WDR41: variants seen among roughly 807,000 people sequenced by gnomAD.
WDR41 encodes WD repeat domain 41.
WDR41 carries 63 observed loss-of-function variants against 69.3 expected under a neutral mutation model. That is an observed-to-expected ratio of 0.91 (90% CI 0.74 to 1.12). WDR41 has a LOEUF of 1.12. Ranked by LOEUF, WDR41 falls within the 50% of genes most tolerant of loss-of-function variation. The pLI is 0.00. For missense variants in WDR41, 543 were observed against 534.5 expected (o/e 1.02, Z -0.16); for synonymous variants, 185 against 192.1 (o/e 0.96, Z 0.31).
rs145962113 is a variant in WDR41 at position 77,461,189 on chromosome 5, A to G, written c.348+1906T>C. ...ATACTGAAAAAGAGAGCTTTATCCC[A>G]TATTTGCCTCTACAGAGTAGTAATA... is the stretch of plus-strand genomic sequence containing the variant. On this transcript the variant is annotated intron_variant, in intron 4 of 12. Coordinates refer to ENST00000296679, the MANE Select transcript of WDR41 (RefSeq NM_018268.4). Among the ~76,000 whole-genome samples, 500 of 152,314 alleles carry G rather than the reference A, an allele frequency of 3.3e-3. 3 individuals carry two copies. The highest frequency in any genetic ancestry group is 0.011 in the African/African-American group (463 of 41,570).
chr5:77,600,506 T>C (rs1289447133), intron 1 of WDR41, among the ~76,000 whole-genome samples: 1 of 152,136 alleles, frequency 6.6e-6, no homozygotes. Context: ...TATATATTGA[T>C]TGTGGTGGTA....
chr5:77,568,541 TA>T (rs137860999), intron 1 of WDR41, among the ~76,000 whole-genome samples: 5,269 of 152,208 alleles, frequency 0.035, 130 homozygotes, highest in Middle Eastern at 0.099. Context: ...GCAGTAACTG[TA>T]AGTTATCTAA....
intron 2 of WDR41, among the ~76,000 whole-genome samples, chr5:77,467,965 A>G (rs1257868105): frequency 6.6e-6 from 1 of 151,946 alleles, no homozygotes; most frequent in Non-Finnish European, 1.5e-5. Flanking sequence ...CAAGTCCAAG[A>G]TCACACCACT....
intron 1 of WDR41, among the ~76,000 whole-genome samples, chr5:77,551,220 A>G (rs185904899): frequency 2.0e-4 from 31 of 152,244 alleles, no homozygotes; most frequent in African/African-American, 7.0e-4. Flanking sequence ...ATCTGAAATT[A>G]TAAAATAAAA....
chr5:77,514,287 G>A (rs1802259592), intron 1 of WDR41, among the ~76,000 whole-genome samples: 1 of 151,962 alleles, frequency 6.6e-6, no homozygotes, highest in Non-Finnish European at 1.5e-5. Flanking sequence ...CAATAGCCTA[G>A]ACATTTTCCA....
intron 1 of WDR41, among the ~76,000 whole-genome samples, chr5:77,617,183 G>C (rs977999535): frequency 1.3e-5 from 2 of 152,202 alleles, no homozygotes; most frequent in Admixed American, 6.5e-5. Context: ...TGTGGGTTTT[G>C]AGCACTGAAA....
chr5:77,568,988 ATCAGAC>A (rs1471452662), intron 1 of WDR41, among the ~76,000 whole-genome samples: 1 of 152,180 alleles, frequency 6.6e-6, no homozygotes, highest in Non-Finnish European at 1.5e-5. Flanking sequence ...GGGACATCTC[ATCAGAC>A]GTCACCCCAT....
chr5:77,471,934 T>A (rs1446044587), intron 2 of WDR41, among the ~76,000 whole-genome samples: 3 of 152,158 alleles, frequency 2.0e-5, no homozygotes, highest in Admixed American at 2.0e-4. Flanking sequence ...GAGGCCAGCA[T>A]CATCCTGATA....
intron 1 of WDR41, among the ~76,000 whole-genome samples, chr5:77,517,762 A>T (rs1802312014): frequency 6.6e-6 from 1 of 152,062 alleles, no homozygotes; most frequent in South Asian, 2.1e-4. Flanking sequence ...TAGCAACAGA[A>T]ATTTGAAAAA....
At chr5:77,566,307 T>C (rs1389678341) in intron 1 of WDR41, among the ~76,000 whole-genome samples, 5 of 152,156 alleles carry the variant, frequency 3.3e-5, no homozygotes, top group Non-Finnish European at 7.4e-5. Context: ...TATGTGTTTG[T>C]TTAGTTAAAG....
intron 1 of WDR41, among the ~76,000 whole-genome samples, chr5:77,579,208 G>A (rs1743890832): frequency 6.6e-6 from 1 of 151,974 alleles, no homozygotes. Flanking sequence ...AAGTAGAGAA[G>A]AAAGACAAAG....
chr5:77,552,537 T>C (rs1298390983), intron 1 of WDR41, among the ~76,000 whole-genome samples: 1 of 152,184 alleles, frequency 6.6e-6, no homozygotes, highest in African/African-American at 2.4e-5. Context: ...CGAGGCAAGC[T>C]TATGCTAAAA....
chr5:77,597,115 C>T (rs571052578), intron 1 of WDR41, among the ~76,000 whole-genome samples: 1 of 150,804 alleles, frequency 6.6e-6, no homozygotes, highest in South Asian at 2.1e-4. Flanking sequence ...AGAGTGAGAT[C>T]CTGTCAAAAA....
intron 1 of WDR41, among the ~76,000 whole-genome samples, chr5:77,604,976 T>C (rs1485487247): frequency 2.6e-5 from 4 of 152,150 alleles, no homozygotes; most frequent in Non-Finnish European, 4.4e-5. Context: ...ATCTCTAGGA[T>C]ACACAGGAAA....
At chr5:77,473,323 C>A (rs1207523734) in intron 2 of WDR41, among the ~76,000 whole-genome samples, 1 of 152,134 alleles carries the variant, frequency 6.6e-6, no homozygotes, top group Non-Finnish European at 1.5e-5. Context: ...AAATGTTAGA[C>A]CTAAAACCAT....
chr5:77,435,882 A>C (rs1798920006), intron 12 of WDR41, among the ~76,000 whole-genome samples: 1 of 152,216 alleles, frequency 6.6e-6, no homozygotes, highest in African/African-American at 2.4e-5. Context: ...GAATTTGATA[A>C]AGGCCCCTGG....
chr5:77,458,543 C>T (rs373653101), intron 5 of WDR41, among the ~76,000 whole-genome samples: 19 of 152,240 alleles, frequency 1.2e-4, no homozygotes, highest in East Asian at 5.8e-4. Context: ...TTCTCTAAAA[C>T]GTAGCAGAGC....
intron 1 of WDR41, chr5:77,582,491 A>G: frequency 6.2e-7 from 1 of 1,600,964 alleles, no homozygotes. Flanking sequence ...AAGTTTGCCC[A>G]AAAGATGCTT....
At chr5:77,592,452 TC>T (rs1338657977) in intron 1 of WDR41, among the ~76,000 whole-genome samples, 85 of 152,196 alleles carry the variant, frequency 5.6e-4, no homozygotes, top group Non-Finnish European at 1.6e-4. Flanking sequence ...TATTCAAATT[TC>T]TCTGTCTGTG....
Sources: allele counts gnomAD v4.1 joint callset (sites outside exome capture counted in the v4.1 genomes callset), GRCh38; gene constraint gnomAD v4.1.1; transcripts MANE v1.5; gene names NCBI Gene and HGNC (gene_info 2026-07-23, HGNC 2026-07-21).